The following AASS variants were observed in gnomAD, a reference collection of about 807,000 sequenced individuals.
The protein encoded by AASS is alpha-aminoadipic semialdehyde synthase, mitochondrial.
Under a neutral mutation model 105.4 loss-of-function variants are expected in AASS, and 86 were observed. The ratio of observed to expected loss-of-function variants is 0.82; its 90% CI spans 0.69 to 0.98. The LOEUF (loss-of-function observed/expected upper bound fraction) is 0.98. AASS is among the 50% of genes least tolerant of loss of function. The pLI is 0.00. For synonymous variants in AASS, 381 were observed against 394.8 expected (o/e 0.96, Z 0.41); for missense variants, 1,048 against 1,143.2 (o/e 0.92, Z 1.20).
chr7:122,133,012 G>A (rs1230068916), intron 2 of AASS, among the ~76,000 whole-genome samples: 1 of 152,156 alleles, frequency 6.6e-6, no homozygotes, highest in Non-Finnish European at 1.5e-5. Context: ...TTGTGGTTAT[G>A]TAGAAAACAT....
intron 2 of AASS, among the ~76,000 whole-genome samples, chr7:122,129,757 G>A (rs1215198454): frequency 2.0e-5 from 3 of 151,264 alleles, no homozygotes; most frequent in Admixed American, 6.6e-5. Flanking sequence ...AGAAAACACA[G>A]CATATATATA....
At chr7:122,103,297 TG>T (rs1403670676) in intron 11 of AASS, among the ~76,000 whole-genome samples, 1 of 152,002 alleles carries the variant, frequency 6.6e-6, no homozygotes, top group African/African-American at 2.4e-5. Flanking sequence ...CAGGAGAGAA[TG>T]GGATGATATA....
intron 11 of AASS, among the ~76,000 whole-genome samples, chr7:122,107,000 A>G (rs893428331): frequency 6.6e-6 from 1 of 152,168 alleles, no homozygotes; most frequent in Admixed American, 6.6e-5. Flanking sequence ...GCATCTGACA[A>G]AAGTCTAATA....
At chr7:122,077,273 G>C (rs889734132) in intron 23 of AASS, among the ~76,000 whole-genome samples, 2 of 152,120 alleles carry the variant, frequency 1.3e-5, no homozygotes, top group Non-Finnish European at 2.9e-5. Flanking sequence ...ATCTTCTAGG[G>C]AGAGTGGAGG....
At chr7:122,110,482 C>A (rs1375036001) in intron 11 of AASS, among the ~76,000 whole-genome samples, 3 of 151,496 alleles carry the variant, frequency 2.0e-5, no homozygotes, top group Non-Finnish European at 4.4e-5. Flanking sequence ...TAAAACTTAC[C>A]CTTAAAACTA....
chr7:122,131,348 A>T (rs2150551800), intron 2 of AASS, among the ~76,000 whole-genome samples: 1 of 151,946 alleles, frequency 6.6e-6, no homozygotes, highest in South Asian at 2.1e-4. Flanking sequence ...AAAAAAAAAA[A>T]ATCAAAGAAA....
chr7:122,076,255 A>G lies in AASS; in HGVS notation c.*234T>C. The G allele has an allele frequency of 2.1e-6, 1 of 474,090 alleles. No individual in the cohort carries two copies. Among genetic ancestry groups the G allele is most frequent in the Non-Finnish European group, 3.8e-6 (1 of 266,066 alleles). 29.4% of individuals were successfully genotyped at this position (474,090 alleles called of 1,614,324 possible). A position where few individuals can be genotyped will look rare whatever the true frequency, so the allele number is the denominator to read the frequency against. On this transcript the variant is annotated 3_prime_UTR_variant, in exon 24 of 24. Transcript: ENST00000417368. ...CAAATAGCATGATCATCACTTTCAC[A>G]TACGTATTTATAAAATACAGGGTAG...
At position 122,078,773 on chromosome 7, in the gene AASS, T is replaced by C. The variant is rs73441000; in HGVS notation, c.2485+89A>G. 997 of 1,260,254 alleles carry C rather than the reference T, an allele frequency of 7.9e-4. 7 individuals carry two copies. In the African/African-American group the frequency reaches 0.013, roughly 16 times the overall value. The allele number at this position is 1,260,254 out of a possible 1,614,324, so 78.1% of individuals were successfully genotyped here. On this transcript the variant is annotated intron_variant, in intron 22 of 23. Coordinates refer to ENST00000417368, the MANE Select transcript of AASS (RefSeq NM_005763.4). Reference sequence around the variant, plus strand: ...TATCACATCTTCCCATTCCTGCTGCTTGGGGCCAACCCTCCAATACGATTA... The same window carrying C: ...TATCACATCTTCCCATTCCTGCTGCCTGGGGCCAACCCTCCAATACGATTA...
At chr7:122,105,315 A>T (rs1013593323) in intron 11 of AASS, among the ~76,000 whole-genome samples, 2 of 152,134 alleles carry the variant, frequency 1.3e-5, no homozygotes, top group Admixed American at 1.3e-4. Context: ...AAAGATGGAA[A>T]GATCAACCAG....
intron 4 of AASS, among the ~76,000 whole-genome samples, chr7:122,123,853 T>C (rs1795539333): frequency 1.3e-5 from 2 of 152,214 alleles, no homozygotes; most frequent in South Asian, 2.1e-4. Context: ...AATCTACTAA[T>C]ACATTGTCCT....
chr7:122,133,441 A>G, intron 2 of AASS, 76 bp downstream of exon 2: 3 of 1,493,494 alleles, frequency 2.0e-6, no homozygotes, highest in Non-Finnish European at 2.8e-6. Flanking sequence ...CAAACATTTT[A>G]TTTTCACTCA....
intron 4 of AASS, 67 bp from the exon 5 acceptor site, chr7:122,118,697 G>A (rs1055725827): frequency 1.5e-5 from 23 of 1,498,942 alleles, no homozygotes; most frequent in African/African-American, 5.6e-5. Flanking sequence ...CTCTCTGCTC[G>A]TTCTCCAATC....
chr7:122,097,686 G>A (rs771024362), intron 15 of AASS, among the ~76,000 whole-genome samples: 2 of 152,000 alleles, frequency 1.3e-5, no homozygotes, highest in Non-Finnish European at 2.9e-5. Context: ...TTCAGGATCT[G>A]TTGCTATGAT....
intron 18 of AASS, among the ~76,000 whole-genome samples, chr7:122,090,882 A>G (rs1793865827): frequency 6.6e-6 from 1 of 152,106 alleles, no homozygotes; most frequent in African/African-American, 2.4e-5. Flanking sequence ...GCACCCTCAT[A>G]TCCTTCAAGG....
At position 122,098,813 on chromosome 7, in the gene AASS, C is replaced by T. The variant is rs375672331; in HGVS notation, c.1460G>A (p.Gly487Glu). The change falls in exon 14 of 24, where the codon GGA becomes GAA. Residue 487 changes from glycine to glutamate, a missense_variant. Physicochemically the swap from Gly to Glu is moderately conservative, Grantham distance 98. Coordinates refer to ENST00000417368, the MANE Select transcript of AASS (RefSeq NM_005763.4). ...MGTRRKVLVL[G>E]SGYISEPVLE... Reference sequence around the variant, plus strand: ...TACAGGCTCAGATATGTAGCCAGATCCAAGAACCAAAACCTTTCTCCTGGT... The same window carrying T: ...TACAGGCTCAGATATGTAGCCAGATTCAAGAACCAAAACCTTTCTCCTGGT... The T allele has an allele frequency of 1.2e-6, 2 of 1,602,030 alleles. No individual in the cohort carries two copies. Among genetic ancestry groups the T allele is most frequent in the Non-Finnish European group, 1.7e-6 (2 of 1,174,834 alleles).
At chr7:122,117,845 G>A (rs1795255588) in intron 6 of AASS, among the ~76,000 whole-genome samples, 2 of 151,712 alleles carry the variant, frequency 1.3e-5, no homozygotes, top group South Asian at 4.2e-4. Flanking sequence ...TGGTATAGGT[G>A]GTGTTTTACC....
chr7:122,121,756 T>A (rs1256073443), intron 4 of AASS, among the ~76,000 whole-genome samples: 1 of 152,168 alleles, frequency 6.6e-6, no homozygotes, highest in Admixed American at 6.5e-5. Context: ...CTTTATTCCT[T>A]TAATTCAATC....
In AASS at chr7:122,133,833, C is replaced by A. The variant is rs148018414; in HGVS notation, c.-15-92G>T. The stretch of plus-strand genomic sequence containing the variant: ...CTGAGAAATCTGAGGTAAAATACAA[C>A]CCGCTCTTATGAAAACAGACACAAG... On this transcript the variant is annotated intron_variant, in intron 1 of 23. Coordinates refer to ENST00000417368, the MANE Select transcript of AASS (RefSeq NM_005763.4). The A allele has an allele frequency of 3.4e-4, 365 of 1,081,888 alleles. 3 individuals are homozygous for A. The African/African-American group carries it at 5.0e-3, about 15-fold the overall frequency. The allele number at this position is 1,081,888 out of a possible 1,614,324, so 67.0% of individuals were successfully genotyped here. A position where few individuals can be genotyped will look rare whatever the true frequency, so the allele number is the denominator to read the frequency against.
chr7:122,086,942 A>C (rs1237525107), intron 18 of AASS, among the ~76,000 whole-genome samples: 1 of 152,174 alleles, frequency 6.6e-6, no homozygotes, highest in African/African-American at 2.4e-5. Flanking sequence ...TTTGTCTCTA[A>C]TTTTAATTAA....
Sources: gnomAD v4.1 joint callset for allele counts (sites outside exome capture counted in the v4.1 genomes callset) on GRCh38, gnomAD v4.1.1 for gene constraint, MANE v1.5 for transcripts, NCBI Gene and HGNC (gene_info 2026-07-23, HGNC 2026-07-21) for gene names.